SAMD5: variants seen among roughly 807,000 people sequenced by gnomAD.
SAMD5 encodes sterile alpha motif domain containing 5.
A neutral mutation model predicts 11.3 loss-of-function variants in SAMD5; 13 were observed. That is an observed-to-expected ratio of 1.15 (90% CI 0.75 to 1.83). SAMD5 has a LOEUF of 1.83. SAMD5 is among the 40% of genes most tolerant of loss of function. SAMD5 has a pLI of 0.00. For synonymous variants in SAMD5, 129 were observed against 111.3 expected (o/e 1.16, Z -1.00); for missense variants, 255 against 239.1 (o/e 1.07, Z -0.44).
chr6:147,562,715 G>T (rs1022631097), intron 1 of SAMD5, among the ~76,000 whole-genome samples: 24 of 152,078 alleles, frequency 1.6e-4, no homozygotes, highest in Non-Finnish European at 2.9e-4. Flanking sequence ...CCAGCTATTC[G>T]GGAGGCTGAG....
At chr6:147,734,711 T>TAAAAAAAAAAAAAAAAAA (rs61482319) in intron 1 of SAMD5, among the ~76,000 whole-genome samples, 19 of 26,106 alleles carry the variant, frequency 7.3e-4, no homozygotes, top group Admixed American at 1.1e-3. Context: ...AGACTCCATC[T>TAAAAAAAAAAAAAAAAAA]AAAAAAAAAA....
chr6:147,855,581 T>C, the SAMD5 span, among the ~76,000 whole-genome samples: 1 of 152,156 alleles, frequency 6.6e-6, no homozygotes. Flanking sequence ...AAATAAGGCA[T>C]TGCACTAGGA....
intron 1 of SAMD5, among the ~76,000 whole-genome samples, chr6:147,591,720 T>C (rs1022390614): frequency 2.0e-5 from 3 of 152,122 alleles, no homozygotes; most frequent in Admixed American, 2.0e-4. Context: ...TTTTCACTAA[T>C]TTGAAAAAGC....
the SAMD5 span, among the ~76,000 whole-genome samples, chr6:147,854,595 C>T: frequency 2.4e-3 from 370 of 152,212 alleles, 2 homozygotes; most frequent in African/African-American, 8.6e-3. Flanking sequence ...TTCCTGTACT[C>T]GATTTTTAAA....
At chr6:147,679,570 G>T (rs765949249) in intron 1 of SAMD5, among the ~76,000 whole-genome samples, 100 of 152,000 alleles carry the variant, frequency 6.6e-4, no homozygotes, top group Non-Finnish European at 1.3e-3. Context: ...TTATCAAATA[G>T]GTTTTTTGCA....
chr6:147,675,793 C>T (rs975933637), intron 1 of SAMD5, among the ~76,000 whole-genome samples: 12 of 152,002 alleles, frequency 7.9e-5, no homozygotes, highest in African/African-American at 2.7e-4. Context: ...TTAAAATGAA[C>T]TGACAGTGAT....
At chr6:147,613,992 A>G (rs994297168) in intron 1 of SAMD5, among the ~76,000 whole-genome samples, 4 of 151,988 alleles carry the variant, frequency 2.6e-5, no homozygotes, top group African/African-American at 9.7e-5. Flanking sequence ...AACACACCAC[A>G]GGTGGCAAAA....
chr6:147,522,571 C>T (rs773022800), intron 1 of SAMD5, among the ~76,000 whole-genome samples: 2 of 152,142 alleles, frequency 1.3e-5, no homozygotes, highest in Non-Finnish European at 1.5e-5. Context: ...GAAACTATAG[C>T]TTTTAAAGAA....
chr6:147,519,176 G>T (rs997341476), intron 1 of SAMD5, among the ~76,000 whole-genome samples: 9 of 152,144 alleles, frequency 5.9e-5, no homozygotes, highest in Non-Finnish European at 1.3e-4. Context: ...GTAATGCACA[G>T]ATTTGACAAA....
At chr6:147,788,819 C>T in the SAMD5 span, among the ~76,000 whole-genome samples, 1 of 152,186 alleles carries the variant, frequency 6.6e-6, no homozygotes, top group Non-Finnish European at 1.5e-5. Flanking sequence ...TGCGGTGGCT[C>T]ATGCTTGTAA....
chr6:147,610,589 G>A (rs955186610), intron 1 of SAMD5, among the ~76,000 whole-genome samples: 1 of 152,314 alleles, frequency 6.6e-6, no homozygotes, highest in South Asian at 2.1e-4. Context: ...GCACCAGAAT[G>A]TCTCTGAAAT....
chr6:147,699,114 T>A (rs945134969), intron 1 of SAMD5, among the ~76,000 whole-genome samples: 1 of 152,148 alleles, frequency 6.6e-6, no homozygotes, highest in African/African-American at 2.4e-5. Context: ...ATCATGTGCC[T>A]GATTTCTGAC....
chr6:147,692,968 G>C (rs1182696100), intron 1 of SAMD5, among the ~76,000 whole-genome samples: 1 of 152,162 alleles, frequency 6.6e-6, no homozygotes, highest in Non-Finnish European at 1.5e-5. Context: ...AAAGATGACA[G>C]AAAAACCCGT....
At chr6:147,933,375 G>GAGAC in the SAMD5 span, among the ~76,000 whole-genome samples, 3 of 152,204 alleles carry the variant, frequency 2.0e-5, no homozygotes, top group East Asian at 5.8e-4. Context: ...CTATTGAAGA[G>GAGAC]AGACACCCAA....
chr6:147,639,870 TA>T (rs1256833757), intron 1 of SAMD5, among the ~76,000 whole-genome samples: 1 of 151,306 alleles, frequency 6.6e-6, no homozygotes, highest in African/African-American at 2.4e-5. Context: ...GGGCAATTTC[TA>T]ATTGAGATTT....
the SAMD5 span, among the ~76,000 whole-genome samples, chr6:147,827,273 G>C: frequency 6.6e-6 from 1 of 151,800 alleles, no homozygotes; most frequent in Admixed American, 6.6e-5. Flanking sequence ...CGAAAAACTT[G>C]TTCGTTGCAC....
At chr6:147,759,786 A>C in the SAMD5 span, among the ~76,000 whole-genome samples, 2 of 152,180 alleles carry the variant, frequency 1.3e-5, no homozygotes, top group Non-Finnish European at 2.9e-5. Context: ...ATATGAATTA[A>C]GTCTAAGCCT....
the SAMD5 span, among the ~76,000 whole-genome samples, chr6:147,813,805 A>G: frequency 7.6e-4 from 116 of 152,302 alleles, 2 homozygotes; most frequent in African/African-American, 2.6e-3. Context: ...TGGACTGAGT[A>G]CCTGTGATTT....
the SAMD5 span, among the ~76,000 whole-genome samples, chr6:147,772,558 A>C: frequency 4.6e-5 from 7 of 152,110 alleles, no homozygotes; most frequent in African/African-American, 1.7e-4. Context: ...GTCCAAGATC[A>C]AGGTGTTACA....
Sources: gnomAD v4.1 joint callset for allele counts (sites outside exome capture counted in the v4.1 genomes callset) on GRCh38, gnomAD v4.1.1 for gene constraint, MANE v1.5 for transcripts, NCBI Gene and HGNC (gene_info 2026-07-23, HGNC 2026-07-21) for gene names.